The following LRP2 variants were observed in gnomAD, a reference collection of about 807,000 sequenced individuals.
The protein encoded by LRP2 is LDL receptor related protein 2.
In LRP2, 172 loss-of-function variants were observed where a neutral mutation model predicts 531.0. That is an observed-to-expected ratio of 0.32 (90% CI 0.29 to 0.37). The LOEUF (loss-of-function observed/expected upper bound fraction) is 0.37, where lower values mean the gene tolerates loss of function less well. Ranked by LOEUF, LRP2 falls within the 10% of genes least tolerant of loss-of-function variation. LRP2 has a pLI of 1.00. For missense variants in LRP2, 5,167 were observed against 5,868.3 expected, an observed-to-expected ratio of 0.88 and a Z score of 3.90; for synonymous variants, 1,992 against 2,027.6, an observed-to-expected ratio of 0.98 and a Z score of 0.47.
At chr2:169,213,059 G>A (rs1688654399) in intron 36 of LRP2, among the ~76,000 whole-genome samples, 1 of 151,918 alleles carries the variant, frequency 6.6e-6, no homozygotes, top group African/African-American at 2.4e-5. Flanking sequence ...ATCATCTTTG[G>A]CTGAAGACGA....
intron 43 of LRP2, 150 bp from the exon 44 acceptor site, chr2:169,202,020 C>A (rs1335478948): frequency 8.5e-6 from 8 of 943,166 alleles, no homozygotes; most frequent in Non-Finnish European, 1.3e-5. Context: ...AGTGAGATAA[C>A]ACTTTTAATT....
chr2:169,246,578 T>G (rs1690013162), intron 21 of LRP2, 127 bp downstream of exon 21: 4 of 1,136,118 alleles, frequency 3.5e-6, no homozygotes, highest in African/African-American at 1.5e-5. Flanking sequence ...TCAAAGTGCA[T>G]GTTAAGAATC....
At chr2:169,298,299 C>T (rs746991744) in intron 4 of LRP2, among the ~76,000 whole-genome samples, 1 of 152,110 alleles carries the variant, frequency 6.6e-6, no homozygotes, top group Non-Finnish European at 1.5e-5. Flanking sequence ...AAACTCATTT[C>T]ATCTTCATAA....
intron 11 of LRP2, 25 bp from the exon 12 acceptor site, chr2:169,279,620 T>G (rs1406742117): frequency 1.4e-6 from 2 of 1,434,722 alleles, no homozygotes; most frequent in Non-Finnish European, 2.0e-6. Flanking sequence ...AAAATTATTA[T>G]ATTTCTTCAG....
intron 3 of LRP2, 118 bp downstream of exon 3, chr2:169,318,644 G>A: frequency 2.8e-6 from 4 of 1,415,818 alleles, no homozygotes; most frequent in Non-Finnish European, 4.0e-6. Context: ...GTTCCCTTAT[G>A]ATTTAAGGCC....
chr2:169,223,347 C>A (rs1008078231), intron 33 of LRP2, among the ~76,000 whole-genome samples: 3 of 152,182 alleles, frequency 2.0e-5, no homozygotes, highest in African/African-American at 4.8e-5. Flanking sequence ...ACGTTCCCTG[C>A]TTTTGGAAAA....
At chr2:169,335,651 T>C (rs192311808) in intron 1 of LRP2, among the ~76,000 whole-genome samples, 131 of 151,374 alleles carry the variant, frequency 8.7e-4, no homozygotes, top group African/African-American at 3.1e-3. Flanking sequence ...TCTGTCTCAA[T>C]AGAAGAAAAA....
intron 4 of LRP2, among the ~76,000 whole-genome samples, chr2:169,302,743 G>GTT (rs71003076): frequency 1.5e-3 from 217 of 147,900 alleles, no homozygotes; most frequent in Middle Eastern, 3.5e-3. Context: ...AGTGACCTGG[G>GTT]TTTTTTTTTT....
At chr2:169,296,677 G>A (rs927739352) in intron 4 of LRP2, among the ~76,000 whole-genome samples, 1 of 152,080 alleles carries the variant, frequency 6.6e-6, no homozygotes, top group African/African-American at 2.4e-5. Flanking sequence ...CATTTAAGGT[G>A]ATAATTATAA....
At chr2:169,203,299 G>A (rs1006991793) in intron 42 of LRP2, among the ~76,000 whole-genome samples, 37 of 152,088 alleles carry the variant, frequency 2.4e-4, no homozygotes, top group African/African-American at 6.5e-4. Context: ...GATCCCACCC[G>A]CAAATATCAC....
intron 3 of LRP2, among the ~76,000 whole-genome samples, chr2:169,310,670 G>T (rs1321400008): frequency 6.6e-6 from 1 of 152,028 alleles, no homozygotes; most frequent in African/African-American, 2.4e-5. Flanking sequence ...CTCTTTTTTT[G>T]TTGTGTCTCT....
In LRP2 at chr2:169,280,680, A is replaced by G. The variant is rs831005; in HGVS notation, c.1172-161T>C. On this transcript the variant is annotated intron_variant, in intron 10 of 78. Transcript: ENST00000649046. ...GAGGCAGACAGATAGCTAGCATTCT[A>G]TCCATTTTACAGAAGGGCAAATTGA... Among the ~76,000 whole-genome samples the G allele has an allele frequency of 0.66, 100,442 of 152,106 alleles. 34,844 individuals carry two copies. The highest frequency in any genetic ancestry group is 0.89 in the East Asian group (4,629 of 5,186).
intron 30 of LRP2, 102 bp from the exon 31 acceptor site, chr2:169,231,944 G>T: frequency 1.4e-6 from 2 of 1,414,412 alleles, no homozygotes; most frequent in South Asian, 1.2e-5. Flanking sequence ...CCCAGTACAG[G>T]GGGGCTTAAG....
At chr2:169,328,079 G>T (rs1356246603) in intron 1 of LRP2, among the ~76,000 whole-genome samples, 2 of 135,958 alleles carry the variant, frequency 1.5e-5, no homozygotes, top group Non-Finnish European at 3.2e-5. Context: ...TCAGCCCCCC[G>T]CCCAGCCAGC....
intron 1 of LRP2, among the ~76,000 whole-genome samples, chr2:169,344,240 G>C (rs1266209630): frequency 1.3e-5 from 2 of 152,078 alleles, no homozygotes; most frequent in Non-Finnish European, 2.9e-5. Flanking sequence ...ATCTACACTA[G>C]GTATTTCTCC....
Position 169,216,233 on chromosome 2 carries a change from G to A in LRP2, c.5826+20C>T. 7 of 1,612,510 alleles carry A rather than the reference G, an allele frequency of 4.3e-6. No individual in the cohort carries two copies. Among genetic ancestry groups the A allele is most frequent in the Non-Finnish European group, 5.9e-6 (7 of 1,179,064 alleles). ...CACCAGCTCAGCATAAAGACCAAAA[G>A]ACTGAAAGGGTGCTCATACCACTCC... On this transcript the variant is annotated intron_variant, in intron 35 of 78. Coordinates refer to ENST00000649046, the MANE Select transcript of LRP2 (RefSeq NM_004525.3).
At chr2:169,276,631 A>G (rs1683561724) in intron 13 of LRP2, among the ~76,000 whole-genome samples, 1 of 152,180 alleles carries the variant, frequency 6.6e-6, no homozygotes, top group Non-Finnish European at 1.5e-5. Context: ...ATCCAATGGC[A>G]AACTGTGATA....
chr2:169,160,471 A>G (rs1168718276), intron 63 of LRP2, among the ~76,000 whole-genome samples: 1 of 152,008 alleles, frequency 6.6e-6, no homozygotes, highest in Non-Finnish European at 1.5e-5. Flanking sequence ...GGAGGAGGAG[A>G]AGGAAGAAGA....
chr2:169,303,811 C>T (rs1684344484), intron 4 of LRP2, among the ~76,000 whole-genome samples: 1 of 152,100 alleles, frequency 6.6e-6, no homozygotes, highest in African/African-American at 2.4e-5. Flanking sequence ...ACAGTGTGCC[C>T]TGAAGGGTTC....
Sources: allele counts gnomAD v4.1 joint callset (sites outside exome capture counted in the v4.1 genomes callset), GRCh38; gene constraint gnomAD v4.1.1; transcripts MANE v1.5; gene names NCBI Gene and HGNC (gene_info 2026-07-23, HGNC 2026-07-21).